TRIM23: variants seen among roughly 807,000 people sequenced by gnomAD.
The protein encoded by TRIM23 is tripartite motif containing 23.
Under a neutral mutation model 71.0 loss-of-function variants are expected in TRIM23, and 27 were observed. The observed-to-expected ratio is 0.38, with a 90% CI of 0.28 to 0.52. TRIM23 has a LOEUF of 0.52. Among genes scored for constraint, TRIM23 ranks in the 20% least tolerant of loss-of-function variants. TRIM23 has a pLI of 0.84. For synonymous variants in TRIM23, 234 were observed against 238.0 expected (o/e 0.98, Z 0.16); for missense variants, 482 against 692.3 (o/e 0.70, Z 3.41).
intron 5 of TRIM23, among the ~76,000 whole-genome samples, chr5:65,610,284 T>C (rs154848): frequency 0.3 from 45,715 of 152,090 alleles, 7,178 homozygotes; most frequent in African/African-American, 0.37. Context: ...AAAATCTGAT[T>C]ATATCATTCC....
At chr5:65,622,718 T>C (rs754181333) in intron 1 of TRIM23, among the ~76,000 whole-genome samples, 2 of 152,208 alleles carry the variant, frequency 1.3e-5, no homozygotes, top group East Asian at 1.9e-4. Context: ...GACTATTTCA[T>C]TGCACAGTTC....
chr5:65,597,642 C>T (rs1480278604), intron 7 of TRIM23, among the ~76,000 whole-genome samples: 2 of 152,108 alleles, frequency 1.3e-5, no homozygotes, highest in African/African-American at 2.4e-5. Flanking sequence ...GTATTACCCA[C>T]ACATTGAAAC....
intron 7 of TRIM23, among the ~76,000 whole-genome samples, chr5:65,600,970 C>T (rs1436017567): frequency 6.6e-6 from 1 of 152,192 alleles, no homozygotes; most frequent in Non-Finnish European, 1.5e-5. Flanking sequence ...AGGATGGCTA[C>T]TATCCAAAAA....
Position 65,590,467 on chromosome 5 carries a change from T to G in TRIM23, c.*1302A>C. 7.8e-7 allele frequency: 1 copy of G among 1,277,254 alleles called. No homozygotes were observed. Among genetic ancestry groups the G allele is most frequent in the Non-Finnish European group, 1.0e-6 (1 of 1,002,208 alleles). The allele number at this position is 1,277,254 out of a possible 1,614,324, so 79.1% of individuals were successfully genotyped here. A position where few individuals can be genotyped will look rare whatever the true frequency, so the allele number is the denominator to read the frequency against. On this transcript the variant is annotated 3_prime_UTR_variant, in exon 11 of 11. Transcript: ENST00000231524. ...ACAGTGCTACCAAAAAGTCACATCT[T>G]GTTACCAGACATCACTGTCCTTACA...
chr5:65,597,617 T>A (rs1754243537), intron 7 of TRIM23, among the ~76,000 whole-genome samples: 1 of 100,852 alleles, frequency 9.9e-6, no homozygotes, highest in African/African-American at 2.7e-5. Flanking sequence ...ACAAAACAAA[T>A]TTTTTTTTAA....
intron 1 of TRIM23, among the ~76,000 whole-genome samples, chr5:65,618,965 A>G (rs1255421773): frequency 6.6e-6 from 1 of 152,242 alleles, no homozygotes; most frequent in Non-Finnish European, 1.5e-5. Flanking sequence ...TCTCAAGTCC[A>G]TAAGTTTATG....
chr5:65,597,034 C>T lies in TRIM23; in HGVS notation c.1309+17G>A, dbSNP rs1262061690. 6.2e-7 allele frequency: 1 copy of T among 1,613,000 alleles called. No individual in the cohort carries two copies. Among genetic ancestry groups the T allele is most frequent in the South Asian group, 1.1e-5 (1 of 90,940 alleles). ...TAGGGTTTGTCTATTAAGGTAAAAA[C>T]CAATATTCATACTTACCAATTGTTG... On this transcript the variant is annotated intron_variant, in intron 8 of 10. Transcript: ENST00000231524.
At chr5:65,615,172 G>A (rs1754748480) in intron 2 of TRIM23, among the ~76,000 whole-genome samples, 1 of 152,090 alleles carries the variant, frequency 6.6e-6, no homozygotes, top group Non-Finnish European at 1.5e-5. Flanking sequence ...AAAGTGCTGG[G>A]ATTACAGGTG....
intron 6 of TRIM23, among the ~76,000 whole-genome samples, chr5:65,605,592 G>A (rs933616868): frequency 1.3e-5 from 2 of 152,012 alleles, no homozygotes; most frequent in Non-Finnish European, 2.9e-5. Context: ...TATGTTCTAT[G>A]TCTATAAAAA....
At chr5:65,614,061 T>C (rs1754719116) in intron 3 of TRIM23, 37 bp downstream of exon 3, 2 of 1,596,514 alleles carry the variant, frequency 1.3e-6, no homozygotes, top group Admixed American at 3.6e-5. Context: ...GAAAAATTCA[T>C]GCTCGTAACA....
In TRIM23 at chr5:65,591,017, A is replaced by G; in HGVS notation, c.*752T>C. 5.1e-6 allele frequency: 5 copies of G among 988,030 alleles called. No homozygotes were observed. The highest frequency in any genetic ancestry group is 6.0e-6 in the Non-Finnish European group (5 of 831,762). 61.2% of individuals were successfully genotyped at this position (988,030 alleles called of 1,614,324 possible). ...CAATTTAGAGCTCTGACCTAGGTTC[A>G]GTCCTGGAAATGGGTCTTTCATAAA... On this transcript the variant is annotated 3_prime_UTR_variant, in exon 11 of 11. Coordinates refer to ENST00000231524, the MANE Select transcript of TRIM23 (RefSeq NM_001656.4).
At chr5:65,594,678 G>A (rs759497263) in intron 9 of TRIM23, 33 bp from the exon 10 acceptor site, 1 of 1,514,298 alleles carries the variant, frequency 6.6e-7, no homozygotes, top group East Asian at 2.4e-5. Flanking sequence ...AACAAAAATA[G>A]TCACTTGCTA....
chr5:65,610,916 A>G lies in TRIM23; in HGVS notation c.773T>C (p.Ile258Thr), dbSNP rs1192052016. ...SRKLVGIVQHIEGGEQIVEDG... is the reference protein window; with the variant it reads ...SRKLVGIVQHTEGGEQIVEDG... Reference sequence around the variant, plus strand: ...TTCCACGATTTGTTCTCCTCCTTCAATGTGCTGCACAATTCCAACTAATTT... The same window carrying G: ...TTCCACGATTTGTTCTCCTCCTTCAGTGTGCTGCACAATTCCAACTAATTT... Residue 258 changes from isoleucine (I) to threonine (T), a missense_variant, in exon 5 of 11, where the codon ATT becomes ACT. Physicochemically the swap from Ile to Thr is moderately conservative, Grantham distance 89. This residue lies in a region of TRIM23 where 307 missense variants were observed against 495.8 expected (regional missense o/e 0.62). Transcript: ENST00000231524. 1 of 1,613,558 alleles carries G rather than the reference A, an allele frequency of 6.2e-7. No individual in the cohort carries two copies. The highest frequency in any genetic ancestry group is 8.5e-7 in the Non-Finnish European group (1 of 1,179,870).
rs564985661 is a variant in TRIM23 at position 65,595,043 on chromosome 5, A to T, written c.1421-398T>A. On this transcript the variant is annotated intron_variant, in intron 9 of 10. Coordinates refer to ENST00000231524, the MANE Select transcript of TRIM23 (RefSeq NM_001656.4). ...AATAAAAGACTAAAAGATAAAAACC[A>T]TCACCATTTTTATTTCTCCAAAGTA... 3.3e-5 allele frequency among the ~76,000 whole-genome samples: 5 copies of T among 152,294 alleles called. No homozygotes were observed. The South Asian group carries it at 8.3e-4, about 25-fold the overall frequency.
intron 7 of TRIM23, among the ~76,000 whole-genome samples, chr5:65,600,069 G>T (rs564045265): frequency 6.6e-6 from 1 of 152,170 alleles, no homozygotes; most frequent in Non-Finnish European, 1.5e-5. Context: ...AAGAGAGAGG[G>T]TGGGGGAGGT....
chr5:65,613,861 T>G, intron 3 of TRIM23: 2 of 1,417,696 alleles, frequency 1.4e-6, no homozygotes, highest in Non-Finnish European at 1.9e-6. Context: ...TAGAACTGAA[T>G]TATGATAAGG....
In TRIM23 at chr5:65,591,437, C is replaced by G. The variant is rs200463696; in HGVS notation, c.*332G>C. ...ATTCTTTTTTCACTGAAAGAATAAA[C>G]CTTCACTTACCCTTTCTCTGTGACT... On this transcript the variant is annotated 3_prime_UTR_variant, in exon 11 of 11. Transcript: ENST00000231524. 356 of 1,594,134 alleles carry G rather than the reference C, an allele frequency of 2.2e-4. No individual in the cohort carries two copies. In the Middle Eastern group the frequency reaches 3.1e-3, roughly 14 times the overall value.
intron 6 of TRIM23, among the ~76,000 whole-genome samples, chr5:65,605,674 TCA>T (rs1242246929): frequency 1.3e-5 from 2 of 152,168 alleles, no homozygotes; most frequent in Non-Finnish European, 2.9e-5. Flanking sequence ...CTCCTCAAAG[TCA>T]AGAACTTTCC....
chr5:65,611,162 G>A, intron 4 of TRIM23, 119 bp from the exon 5 acceptor site: 1 of 866,202 alleles, frequency 1.2e-6, no homozygotes, highest in Non-Finnish European at 1.7e-6. Flanking sequence ...TTATGACACA[G>A]AAAAATACTA....
Sources: allele counts gnomAD v4.1 joint callset (sites outside exome capture counted in the v4.1 genomes callset), GRCh38; gene constraint gnomAD v4.1.1; regional missense constraint gnomAD v4.1.1; transcripts MANE v1.5; gene names NCBI Gene and HGNC (gene_info 2026-07-23, HGNC 2026-07-21).